UNC13C: variants seen among roughly 807,000 people sequenced by gnomAD.
UNC13C encodes protein unc-13 homolog C.
Under a neutral mutation model 245.4 loss-of-function variants are expected in UNC13C, and 174 were observed. The ratio of observed to expected loss-of-function variants is 0.71; its 90% CI spans 0.63 to 0.80. The LOEUF is 0.80. Ranked by LOEUF, UNC13C falls within the 30% of genes least tolerant of loss-of-function variation. The probability of loss-of-function intolerance (pLI) is 0.00; values close to 1 mark genes in which losing one functional copy is unlikely to be tolerated. For missense variants in UNC13C, 2,829 were observed against 2,602.9 expected (o/e 1.09, Z -1.89); for synonymous variants, 992 against 895.1 (o/e 1.11, Z -1.93).
chr15:54,058,004 A>G lies in UNC13C; in HGVS notation c.2983+42118A>G, dbSNP rs527705884. Among the ~76,000 whole-genome samples, 35 of 152,328 alleles carry G rather than the reference A, an allele frequency of 2.3e-4. 1 individual carries two copies. In the South Asian group the frequency reaches 6.6e-3, roughly 29 times the overall value. ...TATAGCATTAAATGCCCAGAAGAGA[A>G]AGCAGGAAAGATCTAAAATTGACAC... On this transcript the variant is annotated intron_variant, in intron 2 of 32. Coordinates refer to ENST00000260323, the MANE Select transcript of UNC13C (RefSeq NM_001080534.3).
intron 17 of UNC13C, among the ~76,000 whole-genome samples, chr15:54,376,715 G>A (rs2039615063): frequency 6.6e-6 from 1 of 152,194 alleles, no homozygotes; most frequent in Non-Finnish European, 1.5e-5. Context: ...ATGTGCTATA[G>A]TGAGCTGGTA....
intron 2 of UNC13C, among the ~76,000 whole-genome samples, chr15:54,045,908 A>G (rs1380134368): frequency 6.6e-6 from 1 of 152,146 alleles, no homozygotes; most frequent in Non-Finnish European, 1.5e-5. Context: ...GCACTCTTCT[A>G]TAAAGAAGAT....
At chr15:54,552,996 CAA>C (rs1484591430) in intron 28 of UNC13C, among the ~76,000 whole-genome samples, 4 of 96,420 alleles carry the variant, frequency 4.1e-5, no homozygotes, top group Non-Finnish European at 7.4e-5. Flanking sequence ...TTCTATATTA[CAA>C]TATATAATAT....
At chr15:54,375,578 A>G (rs1304656570) in intron 17 of UNC13C, among the ~76,000 whole-genome samples, 1 of 152,260 alleles carries the variant, frequency 6.6e-6, no homozygotes, top group Non-Finnish European at 1.5e-5. Flanking sequence ...AATTGAATCA[A>G]TGAAAAGAAG....
intron 2 of UNC13C, among the ~76,000 whole-genome samples, chr15:54,046,813 C>G (rs1206811515): frequency 6.6e-6 from 1 of 151,798 alleles, no homozygotes; most frequent in Non-Finnish European, 1.5e-5. Context: ...TACAAGTACA[C>G]TCTTGTACCC....
intron 8 of UNC13C, among the ~76,000 whole-genome samples, chr15:54,250,838 G>T (rs976863394): frequency 2.4e-4 from 33 of 135,910 alleles, no homozygotes; most frequent in Non-Finnish European, 3.2e-4. Flanking sequence ...CTCACTGCAA[G>T]CTCTGCCTCC....
At chr15:54,561,701 G>T (rs1360278668) in intron 29 of UNC13C, among the ~76,000 whole-genome samples, 2 of 151,886 alleles carry the variant, frequency 1.3e-5, no homozygotes, top group African/African-American at 4.8e-5. Flanking sequence ...TCATAAAAGA[G>T]GATTCATCGA....
chr15:54,088,732 T>C (rs1167044814), intron 2 of UNC13C, among the ~76,000 whole-genome samples: 2 of 152,180 alleles, frequency 1.3e-5, no homozygotes, highest in East Asian at 1.9e-4. Flanking sequence ...TCTAAGTCTA[T>C]AGACAGTGGA....
chr15:54,314,580 T>A (rs747549489), intron 13 of UNC13C, among the ~76,000 whole-genome samples: 1 of 151,424 alleles, frequency 6.6e-6, no homozygotes, highest in Non-Finnish European at 1.5e-5. Flanking sequence ...TCTGTGACTT[T>A]AAAGAAAAAA....
At chr15:54,292,089 A>T (rs998058168) in intron 10 of UNC13C, among the ~76,000 whole-genome samples, 1 of 151,958 alleles carries the variant, frequency 6.6e-6, no homozygotes. Context: ...GACACAGGTG[A>T]TGTAATTTTT....
intron 18 of UNC13C, among the ~76,000 whole-genome samples, chr15:54,400,681 A>G (rs1413847879): frequency 6.6e-6 from 1 of 152,134 alleles, no homozygotes; most frequent in Non-Finnish European, 1.5e-5. Context: ...AACCTTTCCT[A>G]TAATGGTTTC....
In UNC13C at chr15:54,409,513, G is replaced by C. The variant is rs568671589; in HGVS notation, c.4848-5469G>C. 2.0e-5 allele frequency among the ~76,000 whole-genome samples: 3 copies of C among 152,108 alleles called. No individual in the cohort carries two copies. In the East Asian group the frequency reaches 5.8e-4, roughly 29 times the overall value. ...CATAGTAGCCAATAGGTAGTTTTTA[G>C]ATCCGTACTCTCCTCCCACCCTCCA... On this transcript the variant is annotated intron_variant, in intron 18 of 32. Coordinates refer to ENST00000260323, the MANE Select transcript of UNC13C (RefSeq NM_001080534.3).
chr15:54,448,156 T>C (rs1023081039), intron 19 of UNC13C, among the ~76,000 whole-genome samples: 1 of 152,232 alleles, frequency 6.6e-6, no homozygotes, highest in African/African-American at 2.4e-5. Flanking sequence ...TTATAATTTC[T>C]GTTCTTTTAT....
At chr15:54,136,656 T>G (rs8040583) in intron 2 of UNC13C, among the ~76,000 whole-genome samples, 48,462 of 151,938 alleles carry the variant, frequency 0.32, 7,876 homozygotes, top group Admixed American at 0.37. Flanking sequence ...AGCTTTTCAC[T>G]GTCGAGTATG....
chr15:54,343,208 A>G (rs2038777397), intron 17 of UNC13C, among the ~76,000 whole-genome samples: 1 of 150,176 alleles, frequency 6.7e-6, no homozygotes, highest in Admixed American at 6.7e-5. Flanking sequence ...ATCTCGGCTC[A>G]CTGCAAACTC....
intron 18 of UNC13C, among the ~76,000 whole-genome samples, chr15:54,394,971 T>C (rs914187788): frequency 1.1e-4 from 16 of 151,986 alleles, no homozygotes; most frequent in Admixed American, 5.9e-4. Context: ...AAATTAGCAA[T>C]GACATGTGCA....
intron 30 of UNC13C, among the ~76,000 whole-genome samples, chr15:54,617,242 A>AT (rs1298321488): frequency 4.6e-5 from 7 of 152,098 alleles, no homozygotes. Flanking sequence ...TATAAAAGTA[A>AT]TTTTTTAATC....
the UNC13C span, among the ~76,000 whole-genome samples, chr15:53,860,186 T>A: frequency 6.6e-6 from 1 of 152,234 alleles, no homozygotes; most frequent in African/African-American, 2.4e-5. Context: ...GCTTTCAATA[T>A]GTGTGTGGAT....
At chr15:54,552,183 T>C (rs12443186) in intron 28 of UNC13C, among the ~76,000 whole-genome samples, 46,437 of 142,528 alleles carry the variant, frequency 0.33, 8,633 homozygotes, top group East Asian at 0.53. Flanking sequence ...TATTCAACAA[T>C]TTGACATTTT....
Sources: allele counts gnomAD v4.1 joint callset (sites outside exome capture counted in the v4.1 genomes callset), GRCh38; gene constraint gnomAD v4.1.1; transcripts MANE v1.5; gene names NCBI Gene and HGNC (gene_info 2026-07-23, HGNC 2026-07-21).